The following KLF8 variants were observed in gnomAD, a reference collection of about 807,000 sequenced individuals.
KLF8 encodes Krueppel-like factor 8.
KLF8 carries 10 observed loss-of-function variants against 18.2 expected under a neutral mutation model. The ratio of observed to expected loss-of-function variants is 0.55; its 90% CI spans 0.34 to 0.93. The LOEUF (loss-of-function observed/expected upper bound fraction) is 0.93. KLF8 is among the 40% of genes least tolerant of loss of function. The probability of loss-of-function intolerance (pLI) is 0.02; values close to 1 mark genes in which losing one functional copy is unlikely to be tolerated. For synonymous variants in KLF8, 109 were observed against 97.3 expected, an observed-to-expected ratio of 1.12 and a Z score of -0.71; for missense variants, 264 against 277.9, an observed-to-expected ratio of 0.95 and a Z score of 0.36.
At chrX:55,946,155 C>G in the KLF8 span, among the ~76,000 whole-genome samples, 1 of 111,173 alleles carries the variant, frequency 9.0e-6, no homozygotes, top group Admixed American at 9.6e-5. Flanking sequence ...CATATGGAAC[C>G]AAAAAAGAGC....
chrX:56,049,031 T>G, the KLF8 span, among the ~76,000 whole-genome samples: 11 of 111,582 alleles, frequency 9.9e-5, no homozygotes, highest in African/African-American at 2.9e-4. Flanking sequence ...TGAAGCAATT[T>G]TGAATGGGAG....
chrX:56,140,275 TA>T, the KLF8 span, among the ~76,000 whole-genome samples: 2 of 111,757 alleles, frequency 1.8e-5, no homozygotes, highest in Non-Finnish European at 3.8e-5. Flanking sequence ...CAAAGGAATA[TA>T]AATAATTCTA....
At chrX:56,138,759 G>A in the KLF8 span, among the ~76,000 whole-genome samples, 1 of 111,385 alleles carries the variant, frequency 9.0e-6, no homozygotes, top group Non-Finnish European at 1.9e-5. Flanking sequence ...ATCTGAAAAA[G>A]ACAAGGATGC....
the KLF8 span, among the ~76,000 whole-genome samples, chrX:55,960,299 C>G: frequency 9.0e-6 from 1 of 111,678 alleles, no homozygotes; most frequent in Non-Finnish European, 1.9e-5. Context: ...GGTGGATCAC[C>G]TGAGGTCAGG....
chrX:56,189,456 T>C, the KLF8 span, among the ~76,000 whole-genome samples: 5 of 111,285 alleles, frequency 4.5e-5, no homozygotes, highest in South Asian at 7.6e-4. Context: ...GTGGAAGTCA[T>C]TGTGGCAATT....
chrX:56,250,243 T>C lies in KLF8; in HGVS notation c.20T>C (p.Leu7Pro), dbSNP rs1457982343. ...TTCTCTTTTCCAGATATGGATAAAC[T>C]CATAAACAACTTGGAGGTCCAACTT... MVDMDK[L>P]INNLEVQLNS... is the part of the protein sequence containing the mutation. The change falls in exon 2 of 6, where the codon CTC (leucine) becomes CCC (proline). Residue 7 changes from leucine (L) to proline (P), a missense_variant. Coordinates refer to ENST00000468660, the MANE Select transcript of KLF8 (RefSeq NM_007250.5). 8.3e-7 allele frequency: 1 copy of C among 1,205,048 alleles called. No individual in the cohort carries two copies. Among genetic ancestry groups the C allele is most frequent in the Middle Eastern group, 2.3e-4 (1 of 4,332 alleles).
the KLF8 span, among the ~76,000 whole-genome samples, chrX:56,190,410 TAGAC>T: frequency 7.2e-5 from 8 of 111,857 alleles, no homozygotes; most frequent in Admixed American, 9.5e-5. Flanking sequence ...TTTTCAGTAT[TAGAC>T]AGATGTTCCA....
upstream of KLF8, among the ~76,000 whole-genome samples, chrX:56,227,376 A>G (rs2066376398): frequency 9.3e-6 from 1 of 107,084 alleles, no homozygotes; most frequent in South Asian, 4.1e-4. Context: ...TTTTGGACAG[A>G]GTCTCACTCT....
At chrX:56,027,310 C>G in the KLF8 span, among the ~76,000 whole-genome samples, 1 of 111,845 alleles carries the variant, frequency 8.9e-6, no homozygotes, top group Admixed American at 9.4e-5. Flanking sequence ...CAGGAGTTTC[C>G]TCGGCTCACT....
In KLF8 at chrX:56,289,277, C is replaced by T. The variant is rs2067299669; in HGVS notation, c.*4783C>T. Among the ~76,000 whole-genome samples, 1 of 110,672 alleles carries T rather than the reference C, an allele frequency of 9.0e-6. No homozygotes were observed. Among genetic ancestry groups the T allele is most frequent in the East Asian group, 2.8e-4 (1 of 3,549 alleles). On this transcript the variant is annotated 3_prime_UTR_variant, in exon 6 of 6. Transcript: ENST00000468660. Reference sequence around the variant, plus strand: ...CCCCCATCATTTTTTTTTAGCACGTCCTTACTTTCTGCCACTGCAAGATCT... The same window carrying T: ...CCCCCATCATTTTTTTTTAGCACGTTCTTACTTTCTGCCACTGCAAGATCT...
At chrX:56,229,108 A>T (rs897139531), upstream of KLF8, among the ~76,000 whole-genome samples, 5 of 110,167 alleles carry the variant, frequency 4.5e-5, no homozygotes, top group Admixed American at 4.9e-4. Context: ...GAGAGGGTGG[A>T]GTCCTCTTAC....
chrX:56,028,553 C>T, the KLF8 span, among the ~76,000 whole-genome samples: 50 of 111,567 alleles, frequency 4.5e-4, no homozygotes, highest in African/African-American at 1.5e-3. Flanking sequence ...TTTGCACACC[C>T]GACTGCTGTG....
At chrX:56,069,351 C>T in the KLF8 span, among the ~76,000 whole-genome samples, 3 of 111,519 alleles carry the variant, frequency 2.7e-5, no homozygotes, top group African/African-American at 9.8e-5. Context: ...TGTGTGAGCT[C>T]GGTTAGAGGG....
the KLF8 span, among the ~76,000 whole-genome samples, chrX:56,148,382 C>A: frequency 9.1e-6 from 1 of 110,417 alleles, no homozygotes; most frequent in African/African-American, 3.3e-5. Flanking sequence ...TGAGTTTATA[C>A]CATTTCTTAA....
chrX:56,236,396 C>T (rs749868908), intron 1 of KLF8, among the ~76,000 whole-genome samples: 12 of 111,760 alleles, frequency 1.1e-4, no homozygotes, highest in Non-Finnish European at 1.7e-4. Flanking sequence ...ACTTAGAAGG[C>T]GGCATGAAAG....
the KLF8 span, among the ~76,000 whole-genome samples, chrX:56,142,321 TC>T: frequency 9.0e-6 from 1 of 111,434 alleles, no homozygotes; most frequent in Admixed American, 9.6e-5. Flanking sequence ...TTTTAGTCAT[TC>T]ATTTTCTTGG....
chrX:56,080,458 A>G, the KLF8 span, among the ~76,000 whole-genome samples: 1 of 110,923 alleles, frequency 9.0e-6, no homozygotes, highest in Non-Finnish European at 1.9e-5. Context: ...CTTTTCTTTA[A>G]GAATGTTGAA....
the KLF8 span, among the ~76,000 whole-genome samples, chrX:56,119,851 G>T: frequency 9.2e-6 from 1 of 108,210 alleles, no homozygotes; most frequent in South Asian, 4.1e-4. Flanking sequence ...GGTTGTGCAA[G>T]TTTAGGTCTG....
the KLF8 span, among the ~76,000 whole-genome samples, chrX:55,939,402 T>C: frequency 7.2e-5 from 8 of 110,866 alleles, no homozygotes; most frequent in African/African-American, 2.6e-4. Flanking sequence ...TTTATAGCAC[T>C]AAATGCCCAT....
Sources: gnomAD v4.1 joint callset for allele counts (sites outside exome capture counted in the v4.1 genomes callset) on GRCh38, gnomAD v4.1.1 for gene constraint, MANE v1.5 for transcripts, NCBI Gene and HGNC (gene_info 2026-07-23, HGNC 2026-07-21) for gene names.